DHRS9: variants seen among roughly 807,000 people sequenced by gnomAD.
DHRS9 encodes the protein dehydrogenase/reductase 9.
DHRS9 carries 18 observed loss-of-function variants against 26.6 expected under a neutral mutation model. The ratio of observed to expected loss-of-function variants is 0.68; its 90% CI spans 0.47 to 1.00. The LOEUF (loss-of-function observed/expected upper bound fraction) is 1.00, where lower values mean the gene tolerates loss of function less well. DHRS9 is among the 50% of genes least tolerant of loss of function. The probability of loss-of-function intolerance (pLI) is 0.00; values close to 1 mark genes in which losing one functional copy is unlikely to be tolerated. For missense variants in DHRS9, 425 were observed against 378.7 expected (o/e 1.12, Z -1.01); for synonymous variants, 134 against 141.1 (o/e 0.95, Z 0.36).
rs1045711913 is a variant in DHRS9 at position 169,095,878 on chromosome 2, G to A, written c.*111G>A. On this transcript the variant is annotated 3_prime_UTR_variant, in exon 5 of 5. Coordinates refer to ENST00000674881, the MANE Select transcript of DHRS9 (RefSeq NM_001376924.1). ...GCTCCAACCTGGACTCATTTAGATC[G>A]TGCTTATTTGGATTGCAAAAGGGAG... is the stretch of plus-strand genomic sequence containing the variant. 2.2e-5 allele frequency: 22 copies of A among 986,682 alleles called. No homozygotes were observed. Among genetic ancestry groups the A allele is most frequent in the South Asian group, 1.3e-4 (8 of 62,684 alleles). The allele number at this position is 986,682 out of a possible 1,614,324, so 61.1% of individuals were successfully genotyped here.
At chr2:169,068,991 T>C (rs1683724542), upstream of DHRS9, among the ~76,000 whole-genome samples, 1 of 152,164 alleles carries the variant, frequency 6.6e-6, no homozygotes, top group African/African-American at 2.4e-5. Context: ...GAGGCATCCT[T>C]TCCTATTCTC....
intron 3 of DHRS9, among the ~76,000 whole-genome samples, chr2:169,083,970 C>A (rs971803708): frequency 2.0e-5 from 3 of 151,762 alleles, no homozygotes; most frequent in East Asian, 1.9e-4. Context: ...TTCTGTACCC[C>A]CTAACCATTC....
In DHRS9 at chr2:169,091,804, C is replaced by A; in HGVS notation, c.587C>A (p.Ala196Asp). Reference sequence around the variant, plus strand: ...TCTTTTCACAGACGGGACATGAAAGCTTTTGGTGTGCACGTCTCATGCATT... The same window carrying A: ...TCTTTTCACAGACGGGACATGAAAGATTTTGGTGTGCACGTCTCATGCATT... ...FNDSLRRDMKAFGVHVSCIEP... is the reference protein window; with the variant it reads ...FNDSLRRDMKDFGVHVSCIEP... Residue 196 changes from alanine (A) to aspartate (D), a missense_variant, in exon 4 of 5, where the codon GCT (alanine) becomes GAT (aspartate). Physicochemically the swap from Ala to Asp is moderately radical, Grantham distance 126. Transcript: ENST00000674881. 1 of 1,611,504 alleles carries A rather than the reference C, an allele frequency of 6.2e-7. No homozygotes were observed.
intron 3 of DHRS9, among the ~76,000 whole-genome samples, chr2:169,090,234 T>C (rs945794953): frequency 6.6e-6 from 1 of 152,238 alleles, no homozygotes; most frequent in Non-Finnish European, 1.5e-5. Flanking sequence ...CTTAAAACTG[T>C]ATTTTCCCAG....
chr2:169,095,467 C>T, intron 4 of DHRS9, 77 bp from the exon 5 acceptor site: 1 of 1,128,070 alleles, frequency 8.9e-7, no homozygotes, highest in South Asian at 1.3e-5. Flanking sequence ...TTGTATCCAT[C>T]CTCCCCTTTG....
chr2:169,083,700 T>G, intron 3 of DHRS9, 113 bp downstream of exon 3: 25 of 1,296,854 alleles, frequency 1.9e-5, no homozygotes, highest in Admixed American at 2.6e-5. Context: ...TATTTATCTC[T>G]AATTTTTGTG....
chr2:169,083,345 CAAT>C lies in DHRS9; in HGVS notation c.334_336del (p.Asn112del). Reference sequence around the variant, plus strand: ...CTGTTCTAGGTCTCTGGGGTCTGATCAATAATGCTGGTGTTCCCGGCGTGCTGG... The same window carrying C: ...CTGTTCTAGGTCTCTGGGGTCTGATCAATGCTGGTGTTCCCGGCGTGCTGG... On this transcript the variant is annotated inframe_deletion, in exon 3 of 5. Coordinates refer to ENST00000674881, the MANE Select transcript of DHRS9 (RefSeq NM_001376924.1). 1 of 1,614,070 alleles carries C rather than the reference CAAT, an allele frequency of 6.2e-7. No homozygotes were observed. Among genetic ancestry groups the C allele is most frequent in the Non-Finnish European group, 8.5e-7 (1 of 1,179,972 alleles).
At chr2:169,091,184 T>C (rs1422848068) in intron 3 of DHRS9, among the ~76,000 whole-genome samples, 1 of 151,648 alleles carries the variant, frequency 6.6e-6, no homozygotes. Context: ...CCTTGATGCC[T>C]AGGGAATGAG....
intron 3 of DHRS9, among the ~76,000 whole-genome samples, chr2:169,091,588 G>C (rs1317993798): frequency 6.6e-6 from 1 of 152,208 alleles, no homozygotes; most frequent in East Asian, 1.9e-4. Context: ...TTCCTGTCCT[G>C]CCGTTAACTA....
chr2:169,075,910 C>T (rs1683949101), intron 1 of DHRS9, among the ~76,000 whole-genome samples: 1 of 152,078 alleles, frequency 6.6e-6, no homozygotes, highest in Non-Finnish European at 1.5e-5. Flanking sequence ...TCAGATTTCT[C>T]CACTATAAAA....
chr2:169,079,930 AGAGAGAGAGAGAG>A (rs1684107483), intron 1 of DHRS9, among the ~76,000 whole-genome samples: 6 of 10,954 alleles, frequency 5.5e-4, no homozygotes, highest in Non-Finnish European at 1.0e-3. Flanking sequence ...GGAGAGAGAG[AGAGAGAGAGAGAG>A]AGAGAGAGAG....
intron 1 of DHRS9, among the ~76,000 whole-genome samples, chr2:169,073,034 G>A (rs929848394): frequency 1.3e-5 from 2 of 152,178 alleles, no homozygotes; most frequent in Non-Finnish European, 2.9e-5. Context: ...TTGCCCCAGC[G>A]ATTCAGAGGT....
rs774290765 is a variant in DHRS9, at chr2:169,091,818, G to A, written c.601G>A (p.Val201Ile). 1.9e-5 allele frequency: 31 copies of A among 1,613,376 alleles called. No homozygotes were observed. The highest frequency in any genetic ancestry group is 3.3e-4 in the Middle Eastern group (2 of 6,056). Residue 201 changes from valine (V) to isoleucine (I), a missense_variant, in exon 4 of 5, where the codon GTC becomes ATC. Val to Ile is a conservative substitution (Grantham distance 29, BLOSUM62 3). Transcript: ENST00000674881. ...GGACATGAAAGCTTTTGGTGTGCACGTCTCATGCATTGAACCAGGATTGTT... is the reference window on the plus strand; with the variant it reads ...GGACATGAAAGCTTTTGGTGTGCACATCTCATGCATTGAACCAGGATTGTT... ...RRDMKAFGVH[V>I]SCIEPGLFKT...
chr2:169,075,486 T>C (rs1238492422), intron 1 of DHRS9, among the ~76,000 whole-genome samples: 1 of 152,192 alleles, frequency 6.6e-6, no homozygotes, highest in Non-Finnish European at 1.5e-5. Context: ...ATGTTCTACA[T>C]CATCACAGTA....
Position 169,081,538 on chromosome 2 carries a change from T to C in DHRS9, c.-44T>C, listed in dbSNP as rs770757052. On this transcript the variant is annotated 5_prime_UTR_variant, in exon 2 of 5. Transcript: ENST00000674881. Reference sequence around the variant, plus strand: ...GAACACTCAGGACACCATCTTCTTGTATTATACAAGAAAGGAGTGTACCTA... The same window carrying C: ...GAACACTCAGGACACCATCTTCTTGCATTATACAAGAAAGGAGTGTACCTA... 2.0e-5 allele frequency: 32 copies of C among 1,576,366 alleles called. No homozygotes were observed. The Middle Eastern group carries it at 5.1e-4, about 25-fold the overall frequency.
chr2:169,085,576 T>G (rs752304210), intron 3 of DHRS9, among the ~76,000 whole-genome samples: 11 of 152,160 alleles, frequency 7.2e-5, no homozygotes, highest in African/African-American at 2.7e-4. Context: ...GCATTTTATT[T>G]TATTTTTAAC....
intron 1 of DHRS9, chr2:169,074,306 A>T (rs1574020344): frequency 1.0e-6 from 1 of 985,444 alleles, no homozygotes; most frequent in South Asian, 4.7e-5. Context: ...CCCTCTGATG[A>T]TAGTGAAACT....
chr2:169,082,347 A>G (rs1684217278), intron 2 of DHRS9, among the ~76,000 whole-genome samples: 1 of 152,198 alleles, frequency 6.6e-6, no homozygotes, highest in Non-Finnish European at 1.5e-5. Flanking sequence ...ATGGCCTGAG[A>G]ATTTGAGTAT....
intron 3 of DHRS9, among the ~76,000 whole-genome samples, chr2:169,090,322 C>T (rs796834789): frequency 1.3e-4 from 20 of 152,280 alleles, no homozygotes; most frequent in African/African-American, 4.1e-4. Context: ...GTCCCTAGTA[C>T]GTTATTTTTA....
Sources: allele counts gnomAD v4.1 joint callset (sites outside exome capture counted in the v4.1 genomes callset), GRCh38; gene constraint gnomAD v4.1.1; transcripts MANE v1.5; gene names NCBI Gene and HGNC (gene_info 2026-07-23, HGNC 2026-07-21).